MTA3: variants seen among roughly 807,000 people sequenced by gnomAD.
The protein encoded by MTA3 is metastasis-associated protein MTA3.
MTA3 carries 34 observed loss-of-function variants against 83.5 expected under a neutral mutation model. That is an observed-to-expected ratio of 0.41 (90% CI 0.31 to 0.54). The LOEUF is 0.54. Among genes scored for constraint, MTA3 ranks in the 20% least tolerant of loss-of-function variants. The probability of loss-of-function intolerance (pLI) is 0.33; values close to 1 mark genes in which losing one functional copy is unlikely to be tolerated. For synonymous variants in MTA3, 303 were observed against 252.7 expected (o/e 1.20, Z -1.89); for missense variants, 761 against 726.4 (o/e 1.05, Z -0.55).
At chr2:42,518,971 ACACACACAC>A (rs1675285602) in intron 2 of MTA3, among the ~76,000 whole-genome samples, 1 of 114 alleles carries the variant, frequency 8.8e-3, no homozygotes, top group East Asian at 0.056. Flanking sequence ...TTCTCAAAAC[ACACACACAC>A]ACACACACAC....
At chr2:42,688,518 G>T (rs1315569899) in intron 9 of MTA3, among the ~76,000 whole-genome samples, 1 of 151,636 alleles carries the variant, frequency 6.6e-6, no homozygotes, top group East Asian at 1.9e-4. Context: ...ATATGTCCTT[G>T]ATGTGAAATG....
At chr2:42,626,907 A>C (rs1686157800) in intron 4 of MTA3, among the ~76,000 whole-genome samples, 1 of 150,870 alleles carries the variant, frequency 6.6e-6, no homozygotes. Context: ...CACCCAGCTA[A>C]TTTTTGTATT....
At chr2:42,631,781 C>G (rs538821694) in intron 4 of MTA3, among the ~76,000 whole-genome samples, 2 of 152,150 alleles carry the variant, frequency 1.3e-5, no homozygotes, top group African/African-American at 4.8e-5. Flanking sequence ...CCTCCACCTC[C>G]TGAGTTCAAG....
intron 11 of MTA3, 98 bp from the exon 12 acceptor site, chr2:42,704,096 T>C: frequency 7.5e-7 from 1 of 1,329,692 alleles, no homozygotes; most frequent in Non-Finnish European, 1.0e-6. Context: ...AATGTTTGTT[T>C]ATGTTTATTA....
chr2:42,668,448 A>C (rs1245454746), intron 8 of MTA3, among the ~76,000 whole-genome samples: 1 of 152,204 alleles, frequency 6.6e-6, no homozygotes, highest in Non-Finnish European at 1.5e-5. Flanking sequence ...CCAGCCTCGG[A>C]AAAAGGCTGC....
intron 16 of MTA3, among the ~76,000 whole-genome samples, chr2:42,749,759 C>T (rs545150812): frequency 6.6e-6 from 1 of 152,216 alleles, no homozygotes; most frequent in East Asian, 1.9e-4. Flanking sequence ...TGAGTCACCA[C>T]ACCTGGCCTC....
chr2:42,507,877 C>T (rs191478336), intron 2 of MTA3, among the ~76,000 whole-genome samples: 1 of 150,428 alleles, frequency 6.6e-6, no homozygotes, highest in East Asian at 2.0e-4. Context: ...ATTGCAGTGA[C>T]AGAGGTTGCA....
intron 16 of MTA3, among the ~76,000 whole-genome samples, chr2:42,752,470 T>C (rs1669951539): frequency 6.6e-6 from 1 of 152,100 alleles, no homozygotes; most frequent in African/African-American, 2.4e-5. Flanking sequence ...AACACGGTGG[T>C]GATGTGGTTT....
At chr2:42,542,888 C>T (rs1046581487) in intron 2 of MTA3, among the ~76,000 whole-genome samples, 27 of 152,094 alleles carry the variant, frequency 1.8e-4, no homozygotes, top group African/African-American at 6.5e-4. Flanking sequence ...ATAATAAGGT[C>T]ATATTTACGC....
At chr2:42,616,128 T>C (rs1212591104) in intron 4 of MTA3, among the ~76,000 whole-genome samples, 1 of 151,754 alleles carries the variant, frequency 6.6e-6, no homozygotes, top group Non-Finnish European at 1.5e-5. Flanking sequence ...TGGTGTGATC[T>C]CGGCTCACTG....
chr2:42,745,684 C>T (rs1041153289), intron 16 of MTA3, among the ~76,000 whole-genome samples: 1 of 152,094 alleles, frequency 6.6e-6, no homozygotes, highest in African/African-American at 2.4e-5. Flanking sequence ...CTGCACCCAG[C>T]TGAGACTTTC....
intron 8 of MTA3, among the ~76,000 whole-genome samples, chr2:42,679,807 CT>C (rs1382839044): frequency 2.6e-5 from 4 of 151,032 alleles, no homozygotes; most frequent in Non-Finnish European, 4.4e-5. Flanking sequence ...AACAGAATAT[CT>C]TTTAAGGTAA....
chr2:42,515,933 C>T (rs962721172), intron 2 of MTA3, among the ~76,000 whole-genome samples: 3 of 151,150 alleles, frequency 2.0e-5, no homozygotes, highest in East Asian at 1.9e-4. Context: ...CTCTGCCTCC[C>T]GGGTTCACGC....
intron 8 of MTA3, among the ~76,000 whole-genome samples, chr2:42,677,383 C>T (rs1355709480): frequency 6.6e-6 from 1 of 152,004 alleles, no homozygotes; most frequent in South Asian, 2.1e-4. Context: ...CGCTCTGTCA[C>T]CCAGGCTGGA....
intron 14 of MTA3, among the ~76,000 whole-genome samples, chr2:42,717,851 C>T (rs946307104): frequency 1.1e-4 from 17 of 152,118 alleles, no homozygotes; most frequent in African/African-American, 3.9e-4. Context: ...TCAGAGATGG[C>T]GAAGTTTGTT....
chr2:42,692,093 C>G (rs1692951736), intron 9 of MTA3, among the ~76,000 whole-genome samples: 1 of 152,104 alleles, frequency 6.6e-6, no homozygotes, highest in African/African-American at 2.4e-5. Flanking sequence ...AGGCCAATAA[C>G]TCTTAGATTT....
intron 1 of MTA3, chr2:42,569,622 G>A (rs1366230088): frequency 6.6e-6 from 1 of 152,224 alleles, no homozygotes; most frequent in African/African-American, 2.4e-5. Flanking sequence ...AGAGAGCGGC[G>A]AAAGAGCCAC....
chr2:42,623,346 AC>A (rs1218604375), intron 4 of MTA3, among the ~76,000 whole-genome samples: 1 of 152,040 alleles, frequency 6.6e-6, no homozygotes, highest in African/African-American at 2.4e-5. Context: ...TTGCTGTAAA[AC>A]CTGCATGCTT....
intron 2 of MTA3, among the ~76,000 whole-genome samples, chr2:42,513,119 A>G (rs1273061701): frequency 6.6e-6 from 1 of 152,236 alleles, no homozygotes; most frequent in Admixed American, 6.5e-5. Flanking sequence ...AACTGGGCAT[A>G]CGAGAGGCTA....
Sources: gnomAD v4.1 joint callset for allele counts (sites outside exome capture counted in the v4.1 genomes callset) on GRCh38, gnomAD v4.1.1 for gene constraint, MANE v1.5 for transcripts, NCBI Gene and HGNC (gene_info 2026-07-23, HGNC 2026-07-21) for gene names.